SLC36A1: variants seen among roughly 807,000 people sequenced by gnomAD.
SLC36A1 encodes solute carrier family 36 member 1.
Under a neutral mutation model 47.5 loss-of-function variants are expected in SLC36A1, and 30 were observed. The ratio of observed to expected loss-of-function variants is 0.63; its 90% CI spans 0.47 to 0.86. SLC36A1 has a LOEUF of 0.86. SLC36A1 is among the 40% of genes least tolerant of loss of function. SLC36A1 has a pLI of 0.00. For synonymous variants in SLC36A1, 255 were observed against 249.7 expected (o/e 1.02, Z -0.20); for missense variants, 517 against 606.0 (o/e 0.85, Z 1.54).
chr5:151,473,663 T>G lies in SLC36A1; in HGVS notation c.724-10T>G. The stretch of plus-strand genomic sequence containing the variant: ...CTTTGTTTTGCTTTGTTTTGCTTTC[T>G]GTCTTTCAGAGGATCCCAGACCCCA... On this transcript the variant is annotated splice_polypyrimidine_tract_variant and intron_variant, in intron 7 of 10. Coordinates refer to ENST00000243389, the MANE Select transcript of SLC36A1 (RefSeq NM_078483.4). 1 of 1,574,472 alleles carries G rather than the reference T, an allele frequency of 6.4e-7. No homozygotes were observed. The highest frequency in any genetic ancestry group is 1.4e-5 in the African/African-American group (1 of 73,804).
At chr5:151,427,641 G>A in the SLC36A1 span, among the ~76,000 whole-genome samples, 1 of 152,130 alleles carries the variant, frequency 6.6e-6, no homozygotes, top group Non-Finnish European at 1.5e-5. Flanking sequence ...AACTAGGATG[G>A]CCATACATAC....
the SLC36A1 span, chr5:151,506,074 A>G: frequency 6.5e-7 from 1 of 1,529,670 alleles, no homozygotes; most frequent in Non-Finnish European, 8.7e-7. Context: ...GTAGGGGGCC[A>G]GACCATGGCT....
intron 8 of SLC36A1, among the ~76,000 whole-genome samples, chr5:151,475,296 T>C (rs577860966): frequency 6.6e-6 from 1 of 152,360 alleles, no homozygotes; most frequent in Non-Finnish European, 1.5e-5. Flanking sequence ...GCTAAATTTT[T>C]AGTAGCTTTC....
the SLC36A1 span, chr5:151,512,367 A>G: frequency 6.2e-7 from 1 of 1,614,240 alleles, no homozygotes; most frequent in Non-Finnish European, 8.5e-7. The surrounding 1 kb of genome is among the most constrained non-coding windows in gnomAD (Gnocchi z 4.1). Context: ...CATTCGAGGA[A>G]GAATGCAACA....
chr5:151,378,107 C>T, the SLC36A1 span: 1 of 347,666 alleles, frequency 2.9e-6, no homozygotes. Context: ...GGCTAATTTC[C>T]ACATTGGTAC....
chr5:151,519,628 G>A, the SLC36A1 span, among the ~76,000 whole-genome samples: 50 of 152,242 alleles, frequency 3.3e-4, no homozygotes, highest in South Asian at 1.2e-3. Flanking sequence ...CTTCTGAGAT[G>A]GTGGTCATAT....
At chr5:151,493,578 C>T (rs1449449761), downstream of SLC36A1, among the ~76,000 whole-genome samples, 2 of 149,108 alleles carry the variant, frequency 1.3e-5, no homozygotes, top group African/African-American at 2.6e-5. Flanking sequence ...TCAAAGAATA[C>T]TCTTAAAGTA....
the SLC36A1 span, among the ~76,000 whole-genome samples, chr5:151,388,889 T>C: frequency 2.6e-5 from 4 of 152,124 alleles, no homozygotes; most frequent in African/African-American, 9.7e-5. Context: ...TGCTAGAAGG[T>C]AGGGGCTGGA....
the SLC36A1 span, among the ~76,000 whole-genome samples, chr5:151,524,531 C>T: frequency 2.0e-5 from 3 of 152,334 alleles, no homozygotes; most frequent in Non-Finnish European, 2.9e-5. Flanking sequence ...GACTTCCAGC[C>T]TCCAGAACTG....
At chr5:151,459,606 T>C (rs904303839) in intron 2 of SLC36A1, among the ~76,000 whole-genome samples, 3 of 152,312 alleles carry the variant, frequency 2.0e-5, no homozygotes, top group African/African-American at 7.2e-5. Context: ...TGCTACTCCA[T>C]TGAGTTAGTT....
At chr5:151,428,182 A>G in the SLC36A1 span, among the ~76,000 whole-genome samples, 1 of 152,074 alleles carries the variant, frequency 6.6e-6, no homozygotes, top group Non-Finnish European at 1.5e-5. Flanking sequence ...TTTAATTACC[A>G]TTCCTAAATA....
chr5:151,373,839 A>G, the SLC36A1 span, among the ~76,000 whole-genome samples: 16 of 152,130 alleles, frequency 1.1e-4, no homozygotes, highest in South Asian at 2.1e-4. Context: ...GGTTCAAGCA[A>G]TCCTCCTCCC....
At chr5:151,538,553 C>T in the SLC36A1 span, among the ~76,000 whole-genome samples, 1 of 152,210 alleles carries the variant, frequency 6.6e-6, no homozygotes, top group African/African-American at 2.4e-5. Flanking sequence ...CTGGAGCTCC[C>T]TGAGAATTCA....
At chr5:151,551,995 G>GTA in the SLC36A1 span, among the ~76,000 whole-genome samples, 3 of 151,782 alleles carry the variant, frequency 2.0e-5, no homozygotes, top group Admixed American at 6.6e-5. Flanking sequence ...GTGTGTGTGT[G>GTA]TGTGTGTGTG....
At chr5:151,399,487 T>C in the SLC36A1 span, among the ~76,000 whole-genome samples, 5 of 152,176 alleles carry the variant, frequency 3.3e-5, no homozygotes, top group Non-Finnish European at 7.3e-5. Flanking sequence ...TTTGTTCTTT[T>C]TGTGATTTAA....
chr5:151,453,473 A>T lies in SLC36A1; in HGVS notation c.-5-5315A>T, dbSNP rs937515180. Among the ~76,000 whole-genome samples the T allele has an allele frequency of 9.2e-5, 14 of 152,176 alleles. No individual in the cohort carries two copies. The South Asian group carries it at 2.7e-3, about 29-fold the overall frequency. ...TATTTCAAGTGTAAGATAGCTATTT[A>T]TGGCTAGTGGTTACTGTACTGGATG... On this transcript the variant is annotated intron_variant, in intron 1 of 10. Coordinates refer to ENST00000243389, the MANE Select transcript of SLC36A1 (RefSeq NM_078483.4).
chr5:151,363,049 C>G, the SLC36A1 span, among the ~76,000 whole-genome samples: 1 of 148,108 alleles, frequency 6.8e-6, no homozygotes, highest in Non-Finnish European at 1.5e-5. Flanking sequence ...TCTTCTCTGT[C>G]TTTGTTTTAG....
At chr5:151,554,050 A>T in the SLC36A1 span, among the ~76,000 whole-genome samples, 1 of 152,262 alleles carries the variant, frequency 6.6e-6, no homozygotes, top group African/African-American at 2.4e-5. Flanking sequence ...AACATCACAC[A>T]GGTGTAAAAT....
At chr5:151,519,938 C>A in the SLC36A1 span, among the ~76,000 whole-genome samples, 4 of 152,162 alleles carry the variant, frequency 2.6e-5, no homozygotes, top group Non-Finnish European at 4.4e-5. Flanking sequence ...TTTAAAATCA[C>A]GCTCTCCAGT....
Sources: gnomAD v4.1 joint callset for allele counts (sites outside exome capture counted in the v4.1 genomes callset) on GRCh38, gnomAD v4.1.1 for gene constraint, Gnocchi (gnomAD v3.1) non-coding constraint, MANE v1.5 for transcripts, NCBI Gene and HGNC (gene_info 2026-07-23, HGNC 2026-07-21) for gene names.